The following EVA1C variants were observed in gnomAD, a reference collection of about 807,000 sequenced individuals.
The protein encoded by EVA1C is protein eva-1 homolog C.
A neutral mutation model predicts 45.4 loss-of-function variants in EVA1C; 25 were observed. The ratio of observed to expected loss-of-function variants is 0.55; its 90% CI spans 0.40 to 0.77. EVA1C has a LOEUF of 0.77. EVA1C is among the 30% of genes least tolerant of loss of function. The probability of loss-of-function intolerance (pLI) is 0.00; values close to 1 mark genes in which losing one functional copy is unlikely to be tolerated. For missense variants in EVA1C, 479 were observed against 554.8 expected, an observed-to-expected ratio of 0.86 and a Z score of 1.37; for synonymous variants, 190 against 221.2, an observed-to-expected ratio of 0.86 and a Z score of 1.25.
chr21:32,515,237 A>T lies in EVA1C; in HGVS notation c.*47A>T. On this transcript the variant is annotated 3_prime_UTR_variant, in exon 8 of 8. Coordinates refer to ENST00000300255, the MANE Select transcript of EVA1C (RefSeq NM_058187.5). ...GATCGCACTTTCTGAAGAAGGAAGG[A>T]TCCCAAATGCCCCTCCAGTTCTGGT... The T allele has an allele frequency of 1.3e-6, 2 of 1,524,318 alleles. No individual in the cohort carries two copies. The highest frequency in any genetic ancestry group is 2.3e-5 in the East Asian group (1 of 43,952). The allele number at this position is 1,524,318 out of a possible 1,614,324, so 94.4% of individuals were successfully genotyped here. A position where few individuals can be genotyped will look rare whatever the true frequency, so the allele number is the denominator to read the frequency against.
At chr21:32,438,090 CAG>C (rs2035031752) in intron 1 of EVA1C, among the ~76,000 whole-genome samples, 1 of 152,202 alleles carries the variant, frequency 6.6e-6, no homozygotes, top group African/African-American at 2.4e-5. Flanking sequence ...TCTCCAAACT[CAG>C]AGCCTTGACT....
chr21:32,414,662 G>A (rs1364428996), intron 1 of EVA1C, among the ~76,000 whole-genome samples: 1 of 152,158 alleles, frequency 6.6e-6, no homozygotes, highest in East Asian at 1.9e-4. Context: ...CAACTCCTTA[G>A]TAAAATGAAT....
chr21:32,513,412 C>G (rs753377025), intron 7 of EVA1C, among the ~76,000 whole-genome samples: 46 of 149,030 alleles, frequency 3.1e-4, no homozygotes, highest in Admixed American at 6.0e-4. Flanking sequence ...GATCTCCTGA[C>G]CTCGTTATCT....
At chr21:32,456,071 T>C (rs541500008) in intron 2 of EVA1C, among the ~76,000 whole-genome samples, 9 of 152,276 alleles carry the variant, frequency 5.9e-5, no homozygotes, top group African/African-American at 2.2e-4. Context: ...TTTGTACTTT[T>C]AGTAGAGACA....
chr21:32,496,774 C>G, intron 5 of EVA1C: 2 of 691,472 alleles, frequency 2.9e-6, no homozygotes, highest in Non-Finnish European at 5.2e-6. Context: ...AAAGCTGAGA[C>G]ACTGCTGGGC....
At chr21:32,439,633 C>T (rs2048739876) in intron 1 of EVA1C, among the ~76,000 whole-genome samples, 2 of 152,046 alleles carry the variant, frequency 1.3e-5, no homozygotes, top group Admixed American at 6.6e-5. Context: ...AGCTGGTCAC[C>T]CGACCTGTTC....
chr21:32,414,897 A>G (rs115732923), intron 1 of EVA1C, among the ~76,000 whole-genome samples: 3,093 of 152,298 alleles, frequency 0.02, 107 homozygotes, highest in African/African-American at 0.068. Flanking sequence ...GAAAGGAAAT[A>G]TAATGTCCTC....
chr21:32,473,724 G>A (rs1309199520), intron 4 of EVA1C, among the ~76,000 whole-genome samples: 2 of 152,222 alleles, frequency 1.3e-5, no homozygotes, highest in African/African-American at 2.4e-5. Context: ...TGGAGACAGG[G>A]TCTCGCTCTG....
intron 3 of EVA1C, among the ~76,000 whole-genome samples, chr21:32,458,542 C>A (rs1341322032): frequency 6.8e-6 from 1 of 148,118 alleles, no homozygotes; most frequent in African/African-American, 2.5e-5. Flanking sequence ...GAGTGCAATG[C>A]GCAATCTCGG....
rs144869620 is a variant in EVA1C, at chr21:32,501,563, G to C, written c.859+68G>C. On this transcript the variant is annotated intron_variant, in intron 6 of 7. Transcript: ENST00000300255. ...GGTAAACAGCCCCTGGGTGACCACA[G>C]TTGGGCACACCTTGGTTAGAATGGA... is the stretch of plus-strand genomic sequence containing the variant. 3.5e-3 allele frequency: 5,524 copies of C among 1,573,270 alleles called. 129 individuals carry two copies. The Admixed American group carries it at 0.049, about 14-fold the overall frequency.
intron 1 of EVA1C, among the ~76,000 whole-genome samples, chr21:32,444,654 A>C (rs187449475): frequency 1.3e-5 from 2 of 152,288 alleles, no homozygotes; most frequent in Non-Finnish European, 2.9e-5. Flanking sequence ...CAATTGATTA[A>C]ATCACTGGCC....
rs533166204 is a variant in EVA1C at position 32,443,426 on chromosome 21, A to G, written c.161-9886A>G. 2.0e-5 allele frequency among the ~76,000 whole-genome samples: 3 copies of G among 152,232 alleles called. No individual in the cohort carries two copies. The East Asian group carries it at 5.8e-4, about 29-fold the overall frequency. On this transcript the variant is annotated intron_variant, in intron 1 of 7. Coordinates refer to ENST00000300255, the MANE Select transcript of EVA1C (RefSeq NM_058187.5). Reference sequence around the variant, plus strand: ...TGGCAAGGACCTGTAATTCCCAGCTACTTGTGAGGCTGAGGCAGAAGAATC... The same window carrying G: ...TGGCAAGGACCTGTAATTCCCAGCTGCTTGTGAGGCTGAGGCAGAAGAATC...
intron 4 of EVA1C, among the ~76,000 whole-genome samples, chr21:32,476,534 C>T (rs564360584): frequency 6.6e-5 from 10 of 152,114 alleles, no homozygotes; most frequent in African/African-American, 1.2e-4. Context: ...CCAGCCACTC[C>T]GGAGGCTGAG....
chr21:32,501,344 T>TAA, intron 5 of EVA1C, 71 bp from the exon 6 acceptor site: 1 of 1,336,942 alleles, frequency 7.5e-7, no homozygotes, highest in Non-Finnish European at 1.0e-6. Flanking sequence ...ACATTGCATT[T>TAA]AAAAATGTAT....
At position 32,453,397 on chromosome 21, in the gene EVA1C, G is replaced by A. The variant is rs775604669; in HGVS notation, c.246G>A (p.Thr82=). 43 of 1,611,492 alleles carry A rather than the reference G, an allele frequency of 2.7e-5. No individual in the cohort carries two copies. In the Admixed American group the frequency reaches 5.2e-4, roughly 19 times the overall value. ...ATCTACAGTGCCCTCGGCATTCTAC[G>A]ATAAGTGTCCAATCGGCATTTTATG... ...YLNLQCPRHS[T]ISVQSAFYGQ... Residue 82 remains threonine, a synonymous_variant, in exon 2 of 8, where the codon ACG becomes ACA. Transcript: ENST00000300255.
intron 7 of EVA1C, among the ~76,000 whole-genome samples, chr21:32,509,390 A>G (rs1043322432): frequency 6.6e-6 from 1 of 152,218 alleles, no homozygotes; most frequent in Non-Finnish European, 1.5e-5. Context: ...CTAGGCCAAG[A>G]GGCACCTGGA....
Position 32,443,854 on chromosome 21 carries a change from A to G in EVA1C, c.161-9458A>G, listed in dbSNP as rs143476283. Among the ~76,000 whole-genome samples, 1,466 of 152,260 alleles carry G rather than the reference A, an allele frequency of 9.6e-3. 14 individuals carry two copies. Among genetic ancestry groups the G allele is most frequent in the Admixed American group, 0.016 (250 of 15,286 alleles). ...TTCCCAAGAGTTGGATCTGTCTCCA[A>G]ATTCCGGAAAGGTAACTTTCACCTT... On this transcript the variant is annotated intron_variant, in intron 1 of 7. Transcript: ENST00000300255.
intron 4 of EVA1C, among the ~76,000 whole-genome samples, chr21:32,483,000 C>CTGCAGCCTCAATCTTCCAACTCAA (rs6147483): frequency 6.6e-5 from 10 of 152,102 alleles, no homozygotes; most frequent in South Asian, 4.1e-4. Flanking sequence ...GGACTACAGG[C>CTGCAGCCTCAATCTTCCAACTCAA]GCACACCATC....
At chr21:32,488,837 T>C (rs965690890) in intron 4 of EVA1C, among the ~76,000 whole-genome samples, 2 of 147,902 alleles carry the variant, frequency 1.4e-5, no homozygotes, top group Admixed American at 6.9e-5. Context: ...CCGCCCACCT[T>C]GGCCTCCCAA....
Sources: allele counts gnomAD v4.1 joint callset (sites outside exome capture counted in the v4.1 genomes callset), GRCh38; gene constraint gnomAD v4.1.1; transcripts MANE v1.5; gene names NCBI Gene and HGNC (gene_info 2026-07-23, HGNC 2026-07-21).